Variants in NOTCH2NLR observed in about 807,000 individuals in gnomAD.
NOTCH2NLR encodes the protein notch 2 N-terminal like R (pseudogene).
Under a neutral mutation model 35.6 loss-of-function variants are expected in NOTCH2NLR, and 33 were observed. That is an observed-to-expected ratio of 0.93 (90% CI 0.70 to 1.24). The LOEUF (loss-of-function observed/expected upper bound fraction) is 1.24. Among genes scored for constraint, NOTCH2NLR ranks in the 50% most tolerant of loss-of-function variants. The pLI is 0.00. For missense variants in NOTCH2NLR, 276 were observed against 362.2 expected, an observed-to-expected ratio of 0.76 and a Z score of 1.93; for synonymous variants, 103 against 141.0, an observed-to-expected ratio of 0.73 and a Z score of 1.91.
rs1161836007 is a variant in NOTCH2NLR, at chr1:120,793,554, T to C, written c.751+58T>C. On this transcript the variant is annotated intron_variant, in intron 4 of 4. Coordinates refer to ENST00000624419, the Ensembl canonical transcript of NOTCH2NLR. ...GACAAACCCCTAGCACAGGAGGTAG[T>C]GGGTGTGGCTCAATTGCATTTTTTA... is the stretch of plus-strand genomic sequence containing the variant. 25 of 1,100,498 alleles carry C rather than the reference T, an allele frequency of 2.3e-5. 5 individuals are homozygous for C. Among genetic ancestry groups the C allele is most frequent in the African/African-American group, 9.5e-5 (3 of 31,582 alleles). The allele number at this position is 1,100,498 out of a possible 1,614,324, so 68.2% of individuals were successfully genotyped here.
At chr1:120,763,799 A>C in intron 2 of NOTCH2NLR, 90 bp downstream of exon 2, 1 of 592,954 alleles carries the variant, frequency 1.7e-6, no homozygotes, top group Non-Finnish European at 3.0e-6. Flanking sequence ...CTTCTGTGGA[A>C]TGTTACTGGT....
rs1309898860 is a variant in NOTCH2NLR at position 120,724,787 on chromosome 1, G to A, written c.73+537G>A. 4.7e-5 allele frequency among the ~76,000 whole-genome samples: 5 copies of A among 106,502 alleles called. 2 individuals carry two copies. The highest frequency in any genetic ancestry group is 2.6e-4 in the African/African-American group (5 of 19,542). 69.9% of individuals were successfully genotyped at this position (106,502 alleles called of 152,430 possible). A position where few individuals can be genotyped will look rare whatever the true frequency, so the allele number is the denominator to read the frequency against. On this transcript the variant is annotated intron_variant, in intron 1 of 4. Transcript: ENST00000624419. ...TTGGATGGGGACGGGGTTTTGCGGC[G>A]CGCCTGAGTTTTGACACTCCAACCC...
At chr1:120,723,952 C>T in exon 1 of NOTCH2NLR, 1 of 784,504 alleles carries the variant, frequency 1.3e-6, no homozygotes, top group Non-Finnish European at 1.7e-6. Flanking sequence ...TTCAGCCAAA[C>T]TTCCGGCGGC....
chr1:120,791,343 C>A (rs1297517630), intron 3 of NOTCH2NLR, among the ~76,000 whole-genome samples: 1 of 99,640 alleles, frequency 1.0e-5, no homozygotes, highest in African/African-American at 6.9e-5. Context: ...AAGACACATG[C>A]ACACGTATGT....
chr1:120,769,605 T>C (rs1222542224), intron 2 of NOTCH2NLR, among the ~76,000 whole-genome samples: 1 of 122,454 alleles, frequency 8.2e-6, no homozygotes. Flanking sequence ...ATACCTCTCA[T>C]AGAGTAATCT....
At chr1:120,790,289 C>A (rs1651470214) in intron 3 of NOTCH2NLR, among the ~76,000 whole-genome samples, 1 of 111,288 alleles carries the variant, frequency 9.0e-6, no homozygotes, top group South Asian at 2.6e-4. Context: ...GCTGGGATTA[C>A]AGGTGTGAGC....
chr1:120,791,414 T>C (rs1651492601), intron 3 of NOTCH2NLR, among the ~76,000 whole-genome samples: 1 of 107,866 alleles, frequency 9.3e-6, no homozygotes, highest in Non-Finnish European at 1.7e-5. Flanking sequence ...CCATCAATGA[T>C]AGACTGGATT....
intron 1 of NOTCH2NLR, among the ~76,000 whole-genome samples, chr1:120,729,730 A>G (rs1370693951): frequency 8.5e-6 from 1 of 117,256 alleles, no homozygotes; most frequent in Non-Finnish European, 1.6e-5. Context: ...TATGATAAGA[A>G]TAGCTCAGGT....
At chr1:120,789,667 C>G (rs1651462053) in intron 3 of NOTCH2NLR, among the ~76,000 whole-genome samples, 1 of 68,066 alleles carries the variant, frequency 1.5e-5, no homozygotes, top group Non-Finnish European at 2.5e-5. Context: ...GGGACACTAC[C>G]AAACCATATC....
intron 1 of NOTCH2NLR, among the ~76,000 whole-genome samples, chr1:120,756,736 A>G (rs1282966251): frequency 8.7e-6 from 1 of 115,302 alleles, no homozygotes; most frequent in African/African-American, 5.4e-5. Flanking sequence ...ACTGAAAAGC[A>G]TTGGAAAACT....
At chr1:120,765,116 G>C (rs1171896488) in intron 2 of NOTCH2NLR, among the ~76,000 whole-genome samples, 4 of 116,296 alleles carry the variant, frequency 3.4e-5, no homozygotes, top group Non-Finnish European at 6.7e-5. Context: ...GGAAATAAAG[G>C]TTTTATGTAG....
At chr1:120,745,251 G>C (rs1650969025) in intron 1 of NOTCH2NLR, among the ~76,000 whole-genome samples, 2 of 107,270 alleles carry the variant, frequency 1.9e-5, no homozygotes, top group South Asian at 5.3e-4. Context: ...AATGGGTCAT[G>C]AAACCAATTT....
intron 3 of NOTCH2NLR, among the ~76,000 whole-genome samples, chr1:120,791,446 A>G (rs1362664477): frequency 9.5e-6 from 1 of 105,224 alleles, no homozygotes; most frequent in East Asian, 2.3e-4. Flanking sequence ...GCACATATAC[A>G]CCATGGAATA....
intron 1 of NOTCH2NLR, among the ~76,000 whole-genome samples, chr1:120,745,071 G>A (rs1281668871): frequency 3.8e-5 from 2 of 52,066 alleles, no homozygotes; most frequent in South Asian, 5.6e-4. Flanking sequence ...AGTGAGCCAT[G>A]ATTATGCCAC....
intron 1 of NOTCH2NLR, among the ~76,000 whole-genome samples, chr1:120,727,897 A>T (rs1650833357): frequency 1.7e-5 from 2 of 117,896 alleles, no homozygotes; most frequent in Non-Finnish European, 3.3e-5. Context: ...TGGACAGATC[A>T]CTGAACTAGG....
chr1:120,763,998 C>G (rs2101410041), intron 2 of NOTCH2NLR, among the ~76,000 whole-genome samples: 1 of 114,616 alleles, frequency 8.7e-6, no homozygotes, highest in East Asian at 2.1e-4. Flanking sequence ...CTGGTAATCC[C>G]AGCACTTCAG....
rs1187524774 is a variant in NOTCH2NLR at position 120,779,574 on chromosome 1, G to A, written c.156-5400G>A. Among the ~76,000 whole-genome samples the A allele has an allele frequency of 1.7e-4, 21 of 121,080 alleles. 4 individuals are homozygous for A. The South Asian group carries it at 2.0e-3, about 11-fold the overall frequency. The allele number at this position is 121,080 out of a possible 152,430, so 79.4% of individuals were successfully genotyped here. A position where few individuals can be genotyped will look rare whatever the true frequency, so the allele number is the denominator to read the frequency against. ...GAGGGAAACATTCATATAGTTTTGC[G>A]GATGAAAGGCATCTGTTAGATTTTT... On this transcript the variant is annotated intron_variant, in intron 2 of 4. Transcript: ENST00000624419.
chr1:120,765,932 A>G (rs1192388926), intron 2 of NOTCH2NLR, among the ~76,000 whole-genome samples: 2 of 76,852 alleles, frequency 2.6e-5, no homozygotes, highest in Non-Finnish European at 4.5e-5. Flanking sequence ...CTGAACAATG[A>G]GAACACATGG....
chr1:120,794,132 G>T (rs1449602318), downstream of NOTCH2NLR, among the ~76,000 whole-genome samples: 4 of 112,288 alleles, frequency 3.6e-5, 2 homozygotes, highest in Non-Finnish European at 6.7e-5. Flanking sequence ...GCTGATAGAT[G>T]ATATATGAGA....
Sources: gnomAD v4.1 joint callset for allele counts (sites outside exome capture counted in the v4.1 genomes callset) on GRCh38, gnomAD v4.1.1 for gene constraint, MANE v1.5 for transcripts, NCBI Gene and HGNC (gene_info 2026-07-23, HGNC 2026-07-21) for gene names.